LRRC3C: variants seen among roughly 807,000 people sequenced by gnomAD.
LRRC3C encodes leucine-rich repeat-containing protein 3C.
In LRRC3C, 11 loss-of-function variants were observed where a neutral mutation model predicts 14.8. That is an observed-to-expected ratio of 0.74 (90% CI 0.47 to 1.23). The LOEUF (loss-of-function observed/expected upper bound fraction) is 1.23. Ranked by LOEUF, LRRC3C falls within the 50% of genes most tolerant of loss-of-function variation. The pLI is 0.00. For missense variants in LRRC3C, 354 were observed against 361.8 expected (o/e 0.98, Z 0.18); for synonymous variants, 149 against 161.5 (o/e 0.92, Z 0.59).
In LRRC3C at chr17:39,944,030, G is replaced by A; in HGVS notation, c.124G>A (p.Val42Met). The A allele has an allele frequency of 1.3e-6, 2 of 1,536,140 alleles. No homozygotes were observed. The highest frequency in any genetic ancestry group is 2.0e-5 in the Admixed American group (1 of 51,006). ...LLLVIGTGGT[V>M]PSPQVPPRGC... ...GCTGGTGATAGGCACAGGGGGTACT[G>A]TGCCCAGCCCCCAGGTGCCTCCCCG... is the stretch of plus-strand genomic sequence containing the variant. The change falls in exon 4 of 4, where the codon GTG becomes ATG. Residue 42 changes from valine to methionine, a missense_variant. Transcript: ENST00000377924.
At chr17:39,927,927 C>A in intron 1 of LRRC3C, 113 bp downstream of exon 1, 1 of 938,108 alleles carries the variant, frequency 1.1e-6, no homozygotes, top group Non-Finnish European at 1.3e-6. Context: ...TAGGTCTTTG[C>A]TGGGTCCTAG....
At chr17:39,943,612 A>G (rs898219050) in intron 3 of LRRC3C, among the ~76,000 whole-genome samples, 1 of 152,118 alleles carries the variant, frequency 6.6e-6, no homozygotes, top group Non-Finnish European at 1.5e-5. Context: ...AAATCAACAC[A>G]TGGACAGAGG....
intron 1 of LRRC3C, among the ~76,000 whole-genome samples, chr17:39,933,658 G>C (rs905636606): frequency 6.6e-6 from 1 of 152,130 alleles, no homozygotes; most frequent in Non-Finnish European, 1.5e-5. Flanking sequence ...GCGTGAACCC[G>C]GGAGGCGGAG....
chr17:39,933,936 C>A (rs1978727590), intron 1 of LRRC3C, among the ~76,000 whole-genome samples: 1 of 152,122 alleles, frequency 6.6e-6, no homozygotes, highest in Admixed American at 6.5e-5. Flanking sequence ...TGGGGGATAC[C>A]CCAGGCATGT....
At chr17:39,939,761 C>T (rs1462975981) in intron 2 of LRRC3C, among the ~76,000 whole-genome samples, 1 of 152,170 alleles carries the variant, frequency 6.6e-6, no homozygotes, top group African/African-American at 2.4e-5. Flanking sequence ...TGTGGTTCCT[C>T]CTTCCCCCCA....
rs1021359027 is a variant in LRRC3C at position 39,941,519 on chromosome 17, C to T, written c.-5C>T. The T allele has an allele frequency of 5.9e-6, 9 of 1,535,660 alleles. No individual in the cohort carries two copies. The highest frequency in any genetic ancestry group is 2.0e-5 in the Admixed American group (1 of 50,964). On this transcript the variant is annotated 5_prime_UTR_variant, in exon 3 of 4. Coordinates refer to ENST00000377924, the MANE Select transcript of LRRC3C (RefSeq NM_001195545.2). The stretch of plus-strand genomic sequence containing the variant: ...CAAGAAAAATCCTTCTCAGAAAGGT[C>T]TCCAATGCGTATGACCTCATCTTCC...
Position 39,944,281 on chromosome 17 carries a change from C to T in LRRC3C, c.375C>T (p.Gly125=), listed in dbSNP as rs190442503. The change falls in exon 4 of 4, where the codon GGC becomes GGT. Residue 125 remains glycine, a synonymous_variant. Transcript: ENST00000377924. ...LAHLSGAAFQ[G]LEGTLRHLDL... ...ACCTCTCAGGGGCGGCTTTCCAGGGCCTGGAGGGCACATTGCGCCACCTCG... is the reference window on the plus strand; with the variant it reads ...ACCTCTCAGGGGCGGCTTTCCAGGGTCTGGAGGGCACATTGCGCCACCTCG... 1,359 of 1,535,066 alleles carry T rather than the reference C, an allele frequency of 8.9e-4. 1 individual carries two copies. Among genetic ancestry groups the T allele is most frequent in the Non-Finnish European group, 1.2e-3 (1,324 of 1,146,442 alleles).
At chr17:39,943,533 T>C (rs1453562688) in intron 3 of LRRC3C, among the ~76,000 whole-genome samples, 1 of 152,148 alleles carries the variant, frequency 6.6e-6, no homozygotes, top group Non-Finnish European at 1.5e-5. Context: ...CCAGACCCTC[T>C]GGTGCCTACC....
rs1441716289 is a variant in LRRC3C at position 39,944,184 on chromosome 17, CGGTGCCTGCT to C, written c.286_295del (p.Ala96SerfsTer57). ...TACCTGGATGCCAACCAGCTGGCAT[CGGTGCCTGCT>C]GGTGCCTTCCAGCACCTGCCTGTCC... On this transcript the variant is annotated frameshift_variant, in exon 4 of 4. Transcript: ENST00000377924. LOFTEE classifies it high-confidence loss of function. 36 of 1,536,076 alleles carry C rather than the reference CGGTGCCTGCT, an allele frequency of 2.3e-5. No homozygotes were observed. The highest frequency in any genetic ancestry group is 3.1e-5 in the Non-Finnish European group (35 of 1,146,948).
intron 2 of LRRC3C, among the ~76,000 whole-genome samples, chr17:39,937,504 A>C (rs1412942767): frequency 6.6e-6 from 1 of 151,084 alleles, no homozygotes; most frequent in Non-Finnish European, 1.5e-5. Flanking sequence ...CACGGAATCA[A>C]GTCCCAATGC....
chr17:39,928,271 G>C (rs879403301), intron 1 of LRRC3C, among the ~76,000 whole-genome samples: 1 of 152,252 alleles, frequency 6.6e-6, no homozygotes, highest in Non-Finnish European at 1.5e-5. Flanking sequence ...TTCTGTCTCA[G>C]GTCAGCTTGT....
At chr17:39,934,959 CAGTG>C (rs1978756910) in intron 1 of LRRC3C, among the ~76,000 whole-genome samples, 2 of 152,168 alleles carry the variant, frequency 1.3e-5, no homozygotes, top group African/African-American at 4.8e-5. Flanking sequence ...GAAAGTGTAG[CAGTG>C]AGGACCACCA....
intron 2 of LRRC3C, among the ~76,000 whole-genome samples, chr17:39,936,313 G>A (rs941065478): frequency 2.0e-5 from 3 of 152,218 alleles, no homozygotes; most frequent in Non-Finnish European, 4.4e-5. Context: ...GGCCTAGCCC[G>A]AGAATTTTCC....
At position 39,944,816 on chromosome 17, in the gene LRRC3C, T is replaced by C. The variant is rs1979047437; in HGVS notation, c.*82T>C. ...TTGCTCTGACCCCCTCTGCCTCCTG[T>C]GCAGCTTCACCCCTGCCCCCAAGCC... On this transcript the variant is annotated 3_prime_UTR_variant, in exon 4 of 4. Transcript: ENST00000377924. 4.6e-6 allele frequency: 6 copies of C among 1,314,590 alleles called. No individual in the cohort carries two copies. The South Asian group carries it at 8.2e-5, about 18-fold the overall frequency. 81.4% of individuals were successfully genotyped at this position (1,314,590 alleles called of 1,614,324 possible).
At chr17:39,938,827 A>G (rs1458506981) in intron 2 of LRRC3C, among the ~76,000 whole-genome samples, 1 of 152,128 alleles carries the variant, frequency 6.6e-6, no homozygotes, top group African/African-American at 2.4e-5. Flanking sequence ...CTCTGCTAAA[A>G]ATACAAAAAT....
chr17:39,927,769 G>C lies in LRRC3C; in HGVS notation c.-220G>C. On this transcript the variant is annotated 5_prime_UTR_variant, in exon 1 of 4. Transcript: ENST00000377924. ...CGGCCTCTTCGGGGACGCACGGTTG[G>C]AAGTTGTACCGTGACGTGATGGTCA... The C allele has an allele frequency of 1.0e-6, 1 of 985,496 alleles. No homozygotes were observed. Among genetic ancestry groups the C allele is most frequent in the Non-Finnish European group, 1.2e-6 (1 of 829,960 alleles). 61.0% of individuals were successfully genotyped at this position (985,496 alleles called of 1,614,324 possible). A position where few individuals can be genotyped will look rare whatever the true frequency, so the allele number is the denominator to read the frequency against.
chr17:39,935,789 C>G lies in LRRC3C; in HGVS notation c.-174-13C>G, dbSNP rs1316333595. 4.1e-6 allele frequency: 4 copies of G among 983,862 alleles called. No individual in the cohort carries two copies. Among genetic ancestry groups the G allele is most frequent in the Non-Finnish European group, 4.8e-6 (4 of 828,614 alleles). 60.9% of individuals were successfully genotyped at this position (983,862 alleles called of 1,614,324 possible). ...ATGAAGTGTATGTATACACCCCTTGCTCTTTTCTACAGGGAACAACAATAG... is the reference window on the plus strand; with the variant it reads ...ATGAAGTGTATGTATACACCCCTTGGTCTTTTCTACAGGGAACAACAATAG... On this transcript the variant is annotated splice_polypyrimidine_tract_variant and intron_variant, in intron 1 of 3. Transcript: ENST00000377924.
At chr17:39,940,339 A>T (rs1209724895) in intron 2 of LRRC3C, among the ~76,000 whole-genome samples, 1 of 151,990 alleles carries the variant, frequency 6.6e-6, no homozygotes, top group Admixed American at 6.6e-5. Flanking sequence ...GTCCCACAAG[A>T]CCTCATGCCC....
intron 2 of LRRC3C, among the ~76,000 whole-genome samples, chr17:39,940,953 A>G (rs1978921317): frequency 6.6e-6 from 1 of 152,010 alleles, no homozygotes; most frequent in Non-Finnish European, 1.5e-5. Context: ...CACATTGGCC[A>G]GGCTGGTCTC....
Sources: gnomAD v4.1 joint callset for allele counts (sites outside exome capture counted in the v4.1 genomes callset) on GRCh38, gnomAD v4.1.1 for gene constraint, MANE v1.5 for transcripts, NCBI Gene and HGNC (gene_info 2026-07-23, HGNC 2026-07-21) for gene names.